Variants in INPP5K observed in about 807,000 individuals in gnomAD.
The protein encoded by INPP5K is inositol polyphosphate 5-phosphatase K.
INPP5K carries 35 observed loss-of-function variants against 53.5 expected under a neutral mutation model. The ratio of observed to expected loss-of-function variants is 0.65; its 90% CI spans 0.50 to 0.87. INPP5K has a LOEUF of 0.87. INPP5K is among the 40% of genes least tolerant of loss of function. The pLI, the probability that INPP5K is intolerant of heterozygous loss-of-function variation, is 0.00. For missense variants in INPP5K, 550 were observed against 586.2 expected (o/e 0.94, Z 0.64); for synonymous variants, 253 against 232.8 (o/e 1.09, Z -0.79).
chr17:1,496,733 A>G lies in INPP5K; in HGVS notation c.1034T>C (p.Met345Thr), dbSNP rs1383892817. 4 of 1,614,108 alleles carry G rather than the reference A, an allele frequency of 2.5e-6. No individual in the cohort carries two copies. Among genetic ancestry groups the G allele is most frequent in the Non-Finnish European group, 3.4e-6 (4 of 1,180,000 alleles). ...PEDLWTVEND[M>T]MVSYSSTSDF... ...CGAGGTTGAAGAGTAGCTGACCATC[A>G]TGTCATTTTCCACGGTCCACAGGTC... The change falls in exon 9 of 12, where the codon ATG becomes ACG. Residue 345 changes from methionine (M) to threonine (T), a missense_variant. By Grantham distance (81) the Met-to-Thr change is moderately conservative. Transcript: ENST00000421807.
intron 3 of INPP5K, among the ~76,000 whole-genome samples, chr17:1,511,591 C>A (rs1303370102): frequency 6.6e-6 from 1 of 152,248 alleles, no homozygotes; most frequent in East Asian, 1.9e-4. Context: ...AGGGAGGCAT[C>A]AGAACTTCAG....
At chr17:1,503,550 A>G (rs542761473) in intron 7 of INPP5K, among the ~76,000 whole-genome samples, 2 of 152,098 alleles carry the variant, frequency 1.3e-5, no homozygotes, top group East Asian at 3.9e-4. Flanking sequence ...CCTCATCTCT[A>G]CTAAAAATAC....
Position 1,516,533 on chromosome 17 carries a change from G to C in INPP5K, c.-34C>G. The C allele has an allele frequency of 5.2e-6, 8 of 1,545,662 alleles. No individual in the cohort carries two copies. The highest frequency in any genetic ancestry group is 6.9e-6 in the Non-Finnish European group (8 of 1,155,808). On this transcript the variant is annotated 5_prime_UTR_variant, in exon 1 of 12. Coordinates refer to ENST00000421807, the MANE Select transcript of INPP5K (RefSeq NM_016532.4). Reference sequence around the variant, plus strand: ...TCGTCCCCGCGCGGTGGTCCGGCAGGTTCGCGTCTCCCGGCCAGCGGGTCC... The same window carrying C: ...TCGTCCCCGCGCGGTGGTCCGGCAGCTTCGCGTCTCCCGGCCAGCGGGTCC...
chr17:1,511,190 C>G (rs1157675109), intron 3 of INPP5K, among the ~76,000 whole-genome samples: 1 of 152,188 alleles, frequency 6.6e-6, no homozygotes, highest in African/African-American at 2.4e-5. Flanking sequence ...CCTCCTCTCT[C>G]ATTTACTCCT....
chr17:1,504,112 CCTT>C (rs2075100098), intron 7 of INPP5K, among the ~76,000 whole-genome samples: 1 of 152,202 alleles, frequency 6.6e-6, no homozygotes, highest in Non-Finnish European at 1.5e-5. Context: ...GTTCTGGAAA[CCTT>C]CTATTGACTA....
At chr17:1,509,576 G>T in intron 4 of INPP5K, 107 bp downstream of exon 4, 1 of 926,062 alleles carries the variant, frequency 1.1e-6, no homozygotes, top group South Asian at 1.4e-5. Context: ...AACATGCATT[G>T]GGCTGGACAG....
chr17:1,508,014 A>G, intron 6 of INPP5K, 101 bp downstream of exon 6: 1 of 890,328 alleles, frequency 1.1e-6, no homozygotes, highest in South Asian at 1.4e-5. Context: ...ACCTGGGCAA[A>G]AGAAAACAGC....
rs766810838 is a variant in INPP5K at position 1,508,222 on chromosome 17, T to C, written c.559A>G (p.Ile187Val). Reference sequence around the variant, plus strand: ...AAGTTCATGTCTCCAAACCAGATAATGAGGCTTCAGAAAAAAAGGAGGGCA... The same window carrying C: ...AAGTTCATGTCTCCAAACCAGATAACGAGGCTTCAGAAAAAAAGGAGGGCA... ...DIPNILDHDLIIWFGDMNFRI... is the reference protein window; with the variant it reads ...DIPNILDHDLVIWFGDMNFRI... Residue 187 changes from isoleucine to valine, a missense_variant, in exon 6 of 12, where the codon ATT becomes GTT. Transcript: ENST00000421807. 43 of 1,612,356 alleles carry C rather than the reference T, an allele frequency of 2.7e-5. No individual in the cohort carries two copies. The highest frequency in any genetic ancestry group is 3.5e-5 in the Non-Finnish European group (41 of 1,178,662).
intron 4 of INPP5K, 130 bp downstream of exon 4, chr17:1,509,553 A>G (rs189129707): frequency 4.9e-5 from 43 of 870,910 alleles, no homozygotes; most frequent in Non-Finnish European, 7.8e-5. Context: ...GCCCACTCTG[A>G]GGCAAAAGAA....
At chr17:1,501,320 G>A (rs540166346) in intron 7 of INPP5K, among the ~76,000 whole-genome samples, 10 of 152,278 alleles carry the variant, frequency 6.6e-5, no homozygotes, top group African/African-American at 2.4e-4. Flanking sequence ...CAGTAAAAGA[G>A]TAAGTATTCT....
chr17:1,513,787 G>C (rs2075366068), intron 2 of INPP5K, 85 bp downstream of exon 2: 2 of 1,103,850 alleles, frequency 1.8e-6, no homozygotes, highest in African/African-American at 3.1e-5. Flanking sequence ...TCAGACTCCA[G>C]AGCGGAGGAG....
At chr17:1,498,835 G>C (rs193080659) in intron 7 of INPP5K, among the ~76,000 whole-genome samples, 27 of 152,298 alleles carry the variant, frequency 1.8e-4, no homozygotes, top group Non-Finnish European at 5.9e-5. Context: ...GGCCTCAAAG[G>C]ATCTTCCCAT....
At chr17:1,506,790 C>T (rs2075166779) in intron 7 of INPP5K, among the ~76,000 whole-genome samples, 190 bp downstream of exon 7, 1 of 152,022 alleles carries the variant, frequency 6.6e-6, no homozygotes, top group African/African-American at 2.4e-5. Context: ...TTTCCTCCCA[C>T]TCTCTCGAGA....
At chr17:1,507,264 A>C (rs1362609699) in intron 6 of INPP5K, 175 bp from the exon 7 acceptor site, 1 of 577,592 alleles carries the variant, frequency 1.7e-6, no homozygotes, top group Non-Finnish European at 3.1e-6. Flanking sequence ...ACCAGAAAGC[A>C]GGCGAATCCT....
At chr17:1,500,857 C>T (rs1308561428) in intron 7 of INPP5K, among the ~76,000 whole-genome samples, 1 of 152,028 alleles carries the variant, frequency 6.6e-6, no homozygotes, top group Non-Finnish European at 1.5e-5. Context: ...AAAACCCAAG[C>T]TGAAGCTCGT....
At chr17:1,508,316 C>T in intron 5 of INPP5K, 90 bp from the exon 6 acceptor site, 4 of 979,934 alleles carry the variant, frequency 4.1e-6, no homozygotes, top group Non-Finnish European at 6.6e-6. Context: ...AACCCAAGGG[C>T]TGCTGGGGCA....
chr17:1,495,067 C>G lies in INPP5K; in HGVS notation c.*756G>C. 1 of 152,268 alleles carries G rather than the reference C, an allele frequency of 6.6e-6. No homozygotes were observed. Among genetic ancestry groups the G allele is most frequent in the East Asian group, 1.9e-4 (1 of 5,196 alleles). The allele number at this position is 152,268 out of a possible 1,614,324, so 9.4% of individuals were successfully genotyped here. A position where few individuals can be genotyped will look rare whatever the true frequency, so the allele number is the denominator to read the frequency against. ...ACAGCTCCTTGACCACTTGTCACCCCTTCCTCAGATGGCAGGGTGGAGGCA... is the reference window on the plus strand; with the variant it reads ...ACAGCTCCTTGACCACTTGTCACCCGTTCCTCAGATGGCAGGGTGGAGGCA... On this transcript the variant is annotated 3_prime_UTR_variant, in exon 12 of 12. Coordinates refer to ENST00000421807, the MANE Select transcript of INPP5K (RefSeq NM_016532.4).
In INPP5K at chr17:1,497,469, A is replaced by AAC. The variant is rs370358584; in HGVS notation, c.963+465_963+466dup. On this transcript the variant is annotated intron_variant, in intron 8 of 11. Coordinates refer to ENST00000421807, the MANE Select transcript of INPP5K (RefSeq NM_016532.4). The stretch of plus-strand genomic sequence containing the variant: ...AGCCTGGGCGGCAGAACGAGACCCT[A>AAC]ACACACACACACACACGCCAGTAAA... Among the ~76,000 whole-genome samples, 636 of 151,450 alleles carry AAC rather than the reference A, an allele frequency of 4.2e-3. 2 individuals carry two copies. Among genetic ancestry groups the AAC allele is most frequent in the African/African-American group, 0.015 (601 of 41,376 alleles).
intron 1 of INPP5K, chr17:1,515,713 T>A (rs2075417913): frequency 1.5e-6 from 1 of 687,426 alleles, no homozygotes; most frequent in Non-Finnish European, 1.8e-6. Context: ...CTTGGCCAGT[T>A]TAAAGCAACT....
Sources: allele counts gnomAD v4.1 joint callset (sites outside exome capture counted in the v4.1 genomes callset), GRCh38; gene constraint gnomAD v4.1.1; transcripts MANE v1.5; gene names NCBI Gene and HGNC (gene_info 2026-07-23, HGNC 2026-07-21).